KNOP1: variants seen among roughly 807,000 people sequenced by gnomAD.
KNOP1 encodes the protein lysine rich nucleolar protein 1.
A neutral mutation model predicts 30.6 loss-of-function variants in KNOP1; 20 were observed. The observed-to-expected ratio is 0.65, with a 90% CI of 0.46 to 0.95. KNOP1 has a LOEUF of 0.95. KNOP1 is among the 40% of genes least tolerant of loss of function. The probability of loss-of-function intolerance (pLI) is 0.00; values close to 1 mark genes in which losing one functional copy is unlikely to be tolerated. For missense variants in KNOP1, 540 were observed against 562.0 expected, an observed-to-expected ratio of 0.96 and a Z score of 0.40; for synonymous variants, 204 against 210.0, an observed-to-expected ratio of 0.97 and a Z score of 0.25.
chr16:19,706,676 C>T lies in KNOP1; in HGVS notation c.*234G>A, dbSNP rs944624413. Reference sequence around the variant, plus strand: ...TATAGTTGTCCTCGTCCTTAATCTCCACAGGTGTTCAATGTGAGCCAACTG... The same window carrying T: ...TATAGTTGTCCTCGTCCTTAATCTCTACAGGTGTTCAATGTGAGCCAACTG... On this transcript the variant is annotated 3_prime_UTR_variant, in exon 5 of 5. Coordinates refer to ENST00000219837, the MANE Select transcript of KNOP1 (RefSeq NM_001012991.3). 1.1e-5 allele frequency: 6 copies of T among 528,296 alleles called. No individual in the cohort carries two copies. The highest frequency in any genetic ancestry group is 5.2e-4 in the Middle Eastern group (1 of 1,912). 32.7% of individuals were successfully genotyped at this position (528,296 alleles called of 1,614,324 possible).
chr16:19,704,902 G>A lies in KNOP1; in HGVS notation c.*2008C>T, dbSNP rs2151639214. On this transcript the variant is annotated 3_prime_UTR_variant, in exon 5 of 5. Coordinates refer to ENST00000219837, the MANE Select transcript of KNOP1 (RefSeq NM_001012991.3). ...ATCAGGGTTCAGAGCCAGGGAAACT[G>A]CCTGAAGTGCCTGCCTCACCTCTGC... 2 of 284,366 alleles carry A rather than the reference G, an allele frequency of 7.0e-6. No individual in the cohort carries two copies. The highest frequency in any genetic ancestry group is 1.4e-5 in the Non-Finnish European group (2 of 144,210). The allele number at this position is 284,366 out of a possible 1,614,324, so 17.6% of individuals were successfully genotyped here.
At chr16:19,710,402 C>T (rs748580945) in intron 4 of KNOP1, 107 bp downstream of exon 4, 2 of 1,077,006 alleles carry the variant, frequency 1.9e-6, no homozygotes, top group East Asian at 4.7e-5. Flanking sequence ...GCCTCTGGGG[C>T]CTGGACATAC....
chr16:19,710,592 C>G lies in KNOP1; in HGVS notation c.988-6G>C, dbSNP rs1324985162. The G allele has an allele frequency of 6.2e-7, 1 of 1,611,172 alleles. No homozygotes were observed. Among genetic ancestry groups the G allele is most frequent in the Non-Finnish European group, 8.5e-7 (1 of 1,179,286 alleles). ...TGCAAGGCCTTTCGCCTCACCTGAG[C>G]AAGAAGGATGACAGAAGAGGGCCGT... is the stretch of plus-strand genomic sequence containing the variant. On this transcript the variant is annotated splice_region_variant and splice_polypyrimidine_tract_variant and intron_variant, in intron 3 of 4. Transcript: ENST00000219837.
At chr16:19,713,631 T>C (rs1221251223) in intron 2 of KNOP1, among the ~76,000 whole-genome samples, 1 of 152,148 alleles carries the variant, frequency 6.6e-6, no homozygotes, top group African/African-American at 2.4e-5. Flanking sequence ...GCTGAGGAAA[T>C]CTCATACAGG....
At chr16:19,711,154 C>A (rs1217907234) in intron 3 of KNOP1, among the ~76,000 whole-genome samples, 1 of 152,250 alleles carries the variant, frequency 6.6e-6, no homozygotes, top group African/African-American at 2.4e-5. Context: ...TCGGGCCTCT[C>A]GGCCATGGCC....
intron 2 of KNOP1, among the ~76,000 whole-genome samples, chr16:19,713,161 C>T (rs1976808440): frequency 6.6e-6 from 1 of 151,758 alleles, no homozygotes; most frequent in South Asian, 2.1e-4. Flanking sequence ...AGTGGCATGT[C>T]GGCCCACTGC....
chr16:19,713,687 T>C (rs1169608601), intron 2 of KNOP1, among the ~76,000 whole-genome samples: 2 of 152,206 alleles, frequency 1.3e-5, no homozygotes, highest in Non-Finnish European at 2.9e-5. Context: ...TTGTGTATAC[T>C]GAGCTGTGAT....
At chr16:19,714,096 C>T (rs781215322) in intron 2 of KNOP1, 22 bp downstream of exon 2, 6 of 1,593,582 alleles carry the variant, frequency 3.8e-6, no homozygotes, top group Non-Finnish European at 2.6e-6. Flanking sequence ...ACGGCAAAGT[C>T]CATTTCTGAA....
chr16:19,710,399 G>C (rs1272742868), intron 4 of KNOP1, 110 bp downstream of exon 4: 1 of 1,051,236 alleles, frequency 9.5e-7, no homozygotes, highest in South Asian at 1.3e-5. Context: ...GCTGCCTCTG[G>C]GGCCTGGACA....
intron 3 of KNOP1, among the ~76,000 whole-genome samples, chr16:19,710,981 C>T (rs996355915): frequency 4.4e-4 from 67 of 151,702 alleles, no homozygotes; most frequent in African/African-American, 1.4e-3. Context: ...GCATTTGCCA[C>T]GGGATATGGG....
At chr16:19,715,501 G>T (rs1597477918) in intron 1 of KNOP1, 2 of 144,040 alleles carry the variant, frequency 1.4e-5, no homozygotes, top group Admixed American at 7.4e-5. Flanking sequence ...TGCAACCTCC[G>T]TCTCCTGGGT....
In KNOP1 at chr16:19,706,746, A is replaced by G. The variant is rs115536812; in HGVS notation, c.*164T>C. ...ACAACTGAATAAACCATTTATGCCTAGTGTTCCATTACTGGAACGCTAAGC... is the reference window on the plus strand; with the variant it reads ...ACAACTGAATAAACCATTTATGCCTGGTGTTCCATTACTGGAACGCTAAGC... On this transcript the variant is annotated 3_prime_UTR_variant, in exon 5 of 5. Coordinates refer to ENST00000219837, the MANE Select transcript of KNOP1 (RefSeq NM_001012991.3). 2.5e-3 allele frequency: 1,827 copies of G among 721,248 alleles called. 20 individuals are homozygous for G. The African/African-American group carries it at 0.028, about 11-fold the overall frequency. The allele number at this position is 721,248 out of a possible 1,614,324, so 44.7% of individuals were successfully genotyped here. A position where few individuals can be genotyped will look rare whatever the true frequency, so the allele number is the denominator to read the frequency against.
At chr16:19,712,083 G>A (rs1220629810) in intron 2 of KNOP1, 2 of 152,674 alleles carry the variant, frequency 1.3e-5, no homozygotes, top group Admixed American at 1.3e-4. Context: ...GACTGGGTGG[G>A]CTGCTGTGGG....
intron 1 of KNOP1, 178 bp downstream of exon 1, chr16:19,717,980 A>C: frequency 7.7e-7 from 1 of 1,290,544 alleles, no homozygotes; most frequent in Non-Finnish European, 9.9e-7. Context: ...GCCGGCTCTG[A>C]GGCGGGAAAA....
In KNOP1 at chr16:19,714,556, G is replaced by T. The variant is rs1162478923; in HGVS notation, c.480C>A (p.Asp160Glu). ...KHKKEKKGAQ[D>E]PTAFSVQDPW... ...GGTCCTGGACCGAGAAGGCTGTGGGGTCCTGGGCCCCCTTTTTTTCCTTCT... is the reference window on the plus strand; with the variant it reads ...GGTCCTGGACCGAGAAGGCTGTGGGTTCCTGGGCCCCCTTTTTTTCCTTCT... Residue 160 changes from aspartate to glutamate, a missense_variant, in exon 2 of 5, where the codon GAC becomes GAA. By Grantham distance (45) the Asp-to-Glu change is conservative. Transcript: ENST00000219837. 1 of 1,614,182 alleles carries T rather than the reference G, an allele frequency of 6.2e-7. No homozygotes were observed. The highest frequency in any genetic ancestry group is 2.2e-5 in the East Asian group (1 of 44,876).
chr16:19,710,671 G>T lies in KNOP1; in HGVS notation c.988-85C>A. 4 of 1,108,298 alleles carry T rather than the reference G, an allele frequency of 3.6e-6. No homozygotes were observed. The South Asian group carries it at 3.7e-5, about 10-fold the overall frequency. 68.7% of individuals were successfully genotyped at this position (1,108,298 alleles called of 1,614,324 possible). A position where few individuals can be genotyped will look rare whatever the true frequency, so the allele number is the denominator to read the frequency against. ...ACCCAGGACAGAGACGGGGCTGGGG[G>T]AACGGAACGTGGGAGGAACTAACAC... On this transcript the variant is annotated intron_variant, in intron 3 of 4. Coordinates refer to ENST00000219837, the MANE Select transcript of KNOP1 (RefSeq NM_001012991.3).
At chr16:19,710,682 G>A in intron 3 of KNOP1, 96 bp from the exon 4 acceptor site, 1 of 924,926 alleles carries the variant, frequency 1.1e-6, no homozygotes, top group South Asian at 1.3e-5. Flanking sequence ...AACGGAACGT[G>A]GGAGGAACTA....
At chr16:19,710,656 G>C (rs1213525326) in intron 3 of KNOP1, 70 bp from the exon 4 acceptor site, 5 of 1,318,288 alleles carry the variant, frequency 3.8e-6, no homozygotes, top group Non-Finnish European at 5.5e-6. Flanking sequence ...ACCCAGGACA[G>C]AGACGGGGCT....
At chr16:19,715,104 G>T in intron 1 of KNOP1, 67 bp from the exon 2 acceptor site, 2 of 1,172,962 alleles carry the variant, frequency 1.7e-6, no homozygotes, top group Non-Finnish European at 2.4e-6. Flanking sequence ...ACTAAGCATT[G>T]CCAAGAGCCA....
Sources: gnomAD v4.1 joint callset for allele counts (sites outside exome capture counted in the v4.1 genomes callset) on GRCh38, gnomAD v4.1.1 for gene constraint, MANE v1.5 for transcripts, NCBI Gene and HGNC (gene_info 2026-07-23, HGNC 2026-07-21) for gene names.